The following UBOX5 variants were observed in gnomAD, a reference collection of about 807,000 sequenced individuals.
UBOX5 encodes the protein U-box domain containing 5.
UBOX5 carries 28 observed loss-of-function variants against 39.0 expected under a neutral mutation model. That is an observed-to-expected ratio of 0.72 (90% CI 0.53 to 0.98). The LOEUF (loss-of-function observed/expected upper bound fraction) is 0.98. UBOX5 is among the 50% of genes least tolerant of loss of function. The pLI, the probability that UBOX5 is intolerant of heterozygous loss-of-function variation, is 0.00. For missense variants in UBOX5, 585 were observed against 674.4 expected (o/e 0.87, Z 1.47); for synonymous variants, 283 against 275.5 (o/e 1.03, Z -0.27).
chr20:3,118,336 G>A (rs1311191663), intron 3 of UBOX5, among the ~76,000 whole-genome samples: 2 of 151,924 alleles, frequency 1.3e-5, no homozygotes, highest in Admixed American at 6.6e-5. Flanking sequence ...AGCTGGGCAC[G>A]GTTGTGGGCA....
At chr20:3,147,315 G>A (rs771912842) in intron 1 of UBOX5, 20 of 1,614,048 alleles carry the variant, frequency 1.2e-5, no homozygotes, top group Admixed American at 1.7e-5. Context: ...TCAGAAGATC[G>A]GGTATGAGGC....
intron 1 of UBOX5, chr20:3,146,690 T>G (rs1054926074): frequency 2.5e-5 from 37 of 1,481,218 alleles, no homozygotes; most frequent in African/African-American, 4.2e-5. Context: ...ATCGCCAAAC[T>G]TACATTCTGG....
chr20:3,139,910 A>C (rs2066502626), intron 1 of UBOX5, among the ~76,000 whole-genome samples: 1 of 150,714 alleles, frequency 6.6e-6, no homozygotes, highest in South Asian at 2.1e-4. Context: ...GGGTTTCACC[A>C]TGTTGGCCAG....
chr20:3,157,718 T>TA (rs2066701004), intron 1 of UBOX5, among the ~76,000 whole-genome samples: 1 of 152,136 alleles, frequency 6.6e-6, no homozygotes, highest in Non-Finnish European at 1.5e-5. Flanking sequence ...TCCAGGCAGG[T>TA]AAAGAGAAGT....
chr20:3,147,631 T>C (rs1400118741), intron 1 of UBOX5: 1 of 1,614,178 alleles, frequency 6.2e-7, no homozygotes, highest in Non-Finnish European at 8.5e-7. Context: ...ACTCCAAAAA[T>C]GCCAGGCCCA....
At chr20:3,147,058 A>G in intron 1 of UBOX5, 1 of 1,614,194 alleles carries the variant, frequency 6.2e-7, no homozygotes, top group African/African-American at 1.3e-5. Flanking sequence ...TATCTGCTAC[A>G]TTGCAAAGGA....
intron 4 of UBOX5, among the ~76,000 whole-genome samples, chr20:3,114,991 T>A (rs2066282287): frequency 6.6e-6 from 1 of 151,680 alleles, no homozygotes; most frequent in African/African-American, 2.4e-5. Flanking sequence ...GAAACAAAAA[T>A]CCTCAGGAGA....
rs1325148101 is a variant in UBOX5, at chr20:3,121,373, T to C, written c.1255+11A>G. 1 of 1,596,936 alleles carries C rather than the reference T, an allele frequency of 6.3e-7. No homozygotes were observed. Among genetic ancestry groups the C allele is most frequent in the Admixed American group, 1.7e-5 (1 of 58,504 alleles). On this transcript the variant is annotated intron_variant, in intron 3 of 4. Coordinates refer to ENST00000217173, the MANE Select transcript of UBOX5 (RefSeq NM_014948.4). ...GATGAGCCTGGCTGCGGACACAGGA[T>C]GCTGAATTACCTGTCGAGCAGTCCA...
chr20:3,158,409 G>A (rs2066711672), intron 1 of UBOX5, among the ~76,000 whole-genome samples: 1 of 152,106 alleles, frequency 6.6e-6, no homozygotes, highest in Non-Finnish European at 1.5e-5. Flanking sequence ...ACTGCCAAAG[G>A]CCTCACTTTT....
At chr20:3,117,212 A>G (rs2066299908) in intron 3 of UBOX5, among the ~76,000 whole-genome samples, 1 of 152,046 alleles carries the variant, frequency 6.6e-6, no homozygotes, top group Non-Finnish European at 1.5e-5. Flanking sequence ...CAATTGTTCC[A>G]CAGCACAGAA....
intron 1 of UBOX5, chr20:3,147,566 G>C (rs777413936): frequency 3.7e-6 from 6 of 1,614,080 alleles, no homozygotes; most frequent in South Asian, 1.1e-5. Flanking sequence ...TCTCTCCTGA[G>C]CTAACCTGAC....
chr20:3,137,532 G>C (rs1400670278), intron 1 of UBOX5, among the ~76,000 whole-genome samples: 1 of 152,154 alleles, frequency 6.6e-6, no homozygotes, highest in African/African-American at 2.4e-5. Context: ...GCCTCCCAAA[G>C]TGTTGGGATT....
chr20:3,121,627 G>A lies in UBOX5; in HGVS notation c.1012C>T (p.Pro338Ser), dbSNP rs766981340. The A allele has an allele frequency of 9.9e-6, 16 of 1,610,888 alleles. No homozygotes were observed. The highest frequency in any genetic ancestry group is 3.4e-5 in the Admixed American group (2 of 59,494). ...IDHFLLQHSI[P>S]GCHLLGRAQT... ...GCTCTCCCAAGCAGGTGGCAGCCAG[G>A]GATGGAGTGCTGGAGCAGGAAATGG... The change falls in exon 3 of 5, where the codon CCT becomes TCT. Residue 338 changes from proline to serine, a missense_variant. Transcript: ENST00000217173.
chr20:3,129,562 C>T (rs1163008064), intron 1 of UBOX5, among the ~76,000 whole-genome samples: 1 of 152,128 alleles, frequency 6.6e-6, no homozygotes, highest in Non-Finnish European at 1.5e-5. Flanking sequence ...CTCACCACCC[C>T]CTGCAAATAC....
At chr20:3,143,732 G>A (rs2066537707) in intron 1 of UBOX5, among the ~76,000 whole-genome samples, 2 of 152,208 alleles carry the variant, frequency 1.3e-5, no homozygotes, top group South Asian at 2.1e-4. Flanking sequence ...GGCGGAGCTT[G>A]CAGTGAGTCG....
At position 3,149,192 on chromosome 20, in the gene UBOX5, C is replaced by T; in HGVS notation, c.-42+10574G>A. The T allele has an allele frequency of 1.9e-6, 2 of 1,073,352 alleles. No individual in the cohort carries two copies. The highest frequency in any genetic ancestry group is 2.5e-5 in the East Asian group (1 of 39,654). The allele number at this position is 1,073,352 out of a possible 1,614,324, so 66.5% of individuals were successfully genotyped here. A position where few individuals can be genotyped will look rare whatever the true frequency, so the allele number is the denominator to read the frequency against. The stretch of plus-strand genomic sequence containing the variant: ...ACGGGGAGGTGTTCCACAAAAACTG[C>T]CTGGAAATCTTCAGCATATCACAAG... On this transcript the variant is annotated intron_variant, in intron 1 of 4. Transcript: ENST00000217173. The surrounding 1 kb of genome is among the most constrained non-coding windows in gnomAD (Gnocchi z 4.1).
At chr20:3,128,723 T>G (rs2066408310) in intron 1 of UBOX5, among the ~76,000 whole-genome samples, 1 of 151,970 alleles carries the variant, frequency 6.6e-6, no homozygotes, top group South Asian at 2.1e-4. Flanking sequence ...ATTAGTTAGG[T>G]GTGGTAGCAC....
In UBOX5 at chr20:3,145,821, G is replaced by A. The variant is rs549682006; in HGVS notation, c.-42+13945C>T. Among the ~76,000 whole-genome samples the A allele has an allele frequency of 3.9e-5, 6 of 152,274 alleles. No homozygotes were observed. The East Asian group carries it at 1.2e-3, about 29-fold the overall frequency. On this transcript the variant is annotated intron_variant, in intron 1 of 4. Coordinates refer to ENST00000217173, the MANE Select transcript of UBOX5 (RefSeq NM_014948.4). ...AGCACTTTGGGAGGCCAAGGTGAGT[G>A]GATCATCTGAGGTCAGGAGTGTGAG...
chr20:3,146,784 C>T (rs770160324), intron 1 of UBOX5: 1 of 1,613,160 alleles, frequency 6.2e-7, no homozygotes, highest in Non-Finnish European at 8.5e-7. Flanking sequence ...CTTCAGAGAG[C>T]AGAGGTGAAT....
Sources: allele counts gnomAD v4.1 joint callset (sites outside exome capture counted in the v4.1 genomes callset), GRCh38; gene constraint gnomAD v4.1.1; non-coding constraint Gnocchi (gnomAD v3.1); transcripts MANE v1.5; gene names NCBI Gene and HGNC (gene_info 2026-07-23, HGNC 2026-07-21).